The following DLL3 variants were observed in gnomAD, a reference collection of about 807,000 sequenced individuals.
DLL3 encodes delta-like protein 3.
In DLL3, 49 loss-of-function variants were observed where a neutral mutation model predicts 55.0. That is an observed-to-expected ratio of 0.89 (90% confidence interval 0.71 to 1.13). DLL3 has a LOEUF of 1.13. Ranked by LOEUF, DLL3 falls within the 50% of genes most tolerant of loss-of-function variation. The pLI is 0.00. For missense variants in DLL3, 962 were observed against 875.5 expected, an observed-to-expected ratio of 1.10 and a Z score of -1.25; for synonymous variants, 421 against 385.2, an observed-to-expected ratio of 1.09 and a Z score of -1.09.
At position 39,507,272 on chromosome 19, in the gene DLL3, C is replaced by A. The variant is rs1219228407; in HGVS notation, c.1327C>A (p.Arg443Ser). 5.9e-6 allele frequency: 9 copies of A among 1,532,914 alleles called. No individual in the cohort carries two copies. The highest frequency in any genetic ancestry group is 4.9e-5 in the East Asian group (2 of 40,658). 95.0% of individuals were successfully genotyped at this position (1,532,914 alleles called of 1,614,324 possible). ...CGCGCGCCCCTGTGCTCACGGCGGC[C>A]GCTGCTACGCCCACTTCTCCGGCCT... ...CAARPCAHGG[R>S]CYAHFSGLVC... Residue 443 changes from arginine to serine, a missense_variant, in exon 7 of 9, where the codon CGC becomes AGC. Physicochemically the swap from Arg to Ser is moderately radical, Grantham distance 110 (BLOSUM62 -1). Transcript: ENST00000356433.
rs147582946 is a variant in DLL3, at chr19:39,507,971, C to T, written c.1758+57C>T. 692 of 1,614,040 alleles carry T rather than the reference C, an allele frequency of 4.3e-4. No individual in the cohort carries two copies. Among genetic ancestry groups the T allele is most frequent in the Middle Eastern group, 9.9e-4 (6 of 6,062 alleles). ...CTGGGCGCGCTGGGCAGAGGCAGCA[C>T]CTGCTTTTTCCCTACCCTTCCTCGA... On this transcript the variant is annotated intron_variant, in intron 8 of 8. Coordinates refer to ENST00000356433, the MANE Select transcript of DLL3 (RefSeq NM_203486.3).
At chr19:39,506,411 G>T (rs1197986138) in intron 6 of DLL3, among the ~76,000 whole-genome samples, 1 of 151,490 alleles carries the variant, frequency 6.6e-6, no homozygotes, top group East Asian at 1.9e-4. Flanking sequence ...GGCTGGCTGT[G>T]TATCTTCTTG....
At position 39,507,240 on chromosome 19, in the gene DLL3, CGTGCGCCGCGCGCCCCT is replaced by C. The variant is rs1277167365; in HGVS notation, c.1300_1316del (p.Ala434SerfsTer26). ...CGCGACTGCCGCGAGCGCGCGGACC[CGTGCGCCGCGCGCCCCT>C]GTGCTCACGGCGGCCGCTGCTACGC... On this transcript the variant is annotated frameshift_variant, in exon 7 of 9. Transcript: ENST00000356433. LOFTEE classifies it high-confidence loss of function. The C allele has an allele frequency of 6.7e-7, 1 of 1,498,850 alleles. No homozygotes were observed. The highest frequency in any genetic ancestry group is 1.2e-5 in the South Asian group (1 of 80,520). 92.8% of individuals were successfully genotyped at this position (1,498,850 alleles called of 1,614,324 possible). A position where few individuals can be genotyped will look rare whatever the true frequency, so the allele number is the denominator to read the frequency against.
At chr19:39,507,762 T>A in intron 7 of DLL3, 68 bp from the exon 8 acceptor site, 3 of 1,608,564 alleles carry the variant, frequency 1.9e-6, no homozygotes, top group Non-Finnish European at 2.6e-6. Context: ...CCCTTTGTGA[T>A]GGGTAGGGGA....
At chr19:39,506,639 A>G (rs748630906) in intron 6 of DLL3, among the ~76,000 whole-genome samples, 6 of 151,886 alleles carry the variant, frequency 4.0e-5, no homozygotes, top group Non-Finnish European at 7.4e-5. Flanking sequence ...TGGAGGAAGG[A>G]GCATCGGAGT....
intron 4 of DLL3, among the ~76,000 whole-genome samples, chr19:39,503,477 C>T (rs929352336): frequency 2.6e-5 from 4 of 152,224 alleles, no homozygotes; most frequent in Admixed American, 1.3e-4. Context: ...TTCTGCGGCC[C>T]TCCCGACTCC....
Position 39,504,092 on chromosome 19 carries a change from G to T in DLL3, c.674G>T (p.Ser225Ile). Residue 225 changes from serine (S) to isoleucine (I), a missense_variant, in exon 5 of 9, where the codon AGC becomes ATC. Coordinates refer to ENST00000356433, the MANE Select transcript of DLL3 (RefSeq NM_203486.3). ...ATAGTGGTGTGCCGAGCAGGCTGCA[G>T]CCCTGAGCATGGCTTCTGTGAACAG... Reference protein sequence around the residue: ...EAPLVCRAGCSPEHGFCEQPG... With the variant: ...EAPLVCRAGCIPEHGFCEQPG... 6.2e-7 allele frequency: 1 copy of T among 1,613,320 alleles called. No homozygotes were observed.
At chr19:39,508,021 A>G in intron 8 of DLL3, 107 bp downstream of exon 8, 2 of 1,611,384 alleles carry the variant, frequency 1.2e-6, no homozygotes, top group Non-Finnish European at 1.7e-6. Flanking sequence ...TGAATTGGGT[A>G]GAGTCTCTGG....
intron 4 of DLL3, among the ~76,000 whole-genome samples, chr19:39,503,732 C>T (rs1024828323): frequency 2.0e-5 from 3 of 152,182 alleles, no homozygotes; most frequent in Non-Finnish European, 4.4e-5. Context: ...CCCACCAATC[C>T]CAAATCCCCT....
At chr19:39,507,669 C>G in intron 7 of DLL3, 51 bp downstream of exon 7, 7 of 1,588,184 alleles carry the variant, frequency 4.4e-6, no homozygotes, top group Non-Finnish European at 6.0e-6. Flanking sequence ...CTGCTTTTAC[C>G]CATCTCCGTG....
Position 39,502,832 on chromosome 19 carries a change from C to A in DLL3, c.427C>A (p.Leu143Met). Reference sequence around the variant, plus strand: ...CCTCGCAGGGCCCGCCTGGAGCCTGCTGGCGCGCGTGGCTGGCAGGCGGCG... The same window carrying A: ...CCTCGCAGGGCCCGCCTGGAGCCTGATGGCGCGCGTGGCTGGCAGGCGGCG... ...DQIGGPAWSL[L>M]ARVAGRRRLA... Residue 143 changes from leucine (L) to methionine (M), a missense_variant, in exon 4 of 9, where the codon CTG becomes ATG. Coordinates refer to ENST00000356433, the MANE Select transcript of DLL3 (RefSeq NM_203486.3). The A allele has an allele frequency of 7.0e-7, 1 of 1,422,164 alleles. No homozygotes were observed. Among genetic ancestry groups the A allele is most frequent in the East Asian group, 2.9e-5 (1 of 34,136 alleles). 88.1% of individuals were successfully genotyped at this position (1,422,164 alleles called of 1,614,324 possible). A position where few individuals can be genotyped will look rare whatever the true frequency, so the allele number is the denominator to read the frequency against.
rs753469973 is a variant in DLL3, at chr19:39,499,188, C to T, written c.70-4C>T. 9.3e-5 allele frequency: 147 copies of T among 1,582,558 alleles called. 4 individuals carry two copies. In the South Asian group the frequency reaches 1.2e-3, roughly 13 times the overall value. On this transcript the variant is annotated splice_polypyrimidine_tract_variant and splice_region_variant and intron_variant, in intron 1 of 8. Transcript: ENST00000356433. ...GCCTCACCCTGCGCCCGTCTCCGTC[C>T]CAGACACGGCCCGCTGGCGTCTTCG...
In DLL3 at chr19:39,505,342, C is replaced by G; in HGVS notation, c.984C>G (p.Val328=). 6.2e-7 allele frequency: 1 copy of G among 1,614,148 alleles called. No individual in the cohort carries two copies. The highest frequency in any genetic ancestry group is 1.1e-5 in the South Asian group (1 of 91,078). Residue 328 remains valine, a synonymous_variant, in exon 6 of 9, where the codon GTC becomes GTG. Coordinates refer to ENST00000356433, the MANE Select transcript of DLL3 (RefSeq NM_203486.3). The part of the protein sequence containing the change: ...DGPCFNGGLC[V]GGADPDSAYI... ...CCTGCTTCAACGGCGGCTTGTGTGT[C>G]GGGGGTGCAGACCCTGACTCTGCCT...
intron 3 of DLL3, 70 bp from the exon 4 acceptor site, chr19:39,502,745 C>A (rs938625000): frequency 1.6e-6 from 2 of 1,289,106 alleles, no homozygotes; most frequent in Non-Finnish European, 2.0e-6. Context: ...AGAATGCGGC[C>A]GGGGCGCTCC....
rs774671566 is a variant in DLL3 at position 39,499,381 on chromosome 19, G to T, written c.259G>T (p.Gly87Ter). The change falls in exon 2 of 9, where the codon GGA becomes TGA. Residue 87 changes from glycine (G) to a stop codon, truncating the protein, a stop_gained. Transcript: ENST00000356433. LOFTEE classifies it high-confidence loss of function. ...CALGAALSARGPVYTEQPGAP... is the reference protein window; with the variant it reads ...CALGAALSAR Reference sequence around the variant, plus strand: ...CCTGGGCGCGGCGCTGAGTGCGCGCGGACCGGTCTACACCGAGCAGCCCGG... The same window carrying T: ...CCTGGGCGCGGCGCTGAGTGCGCGCTGACCGGTCTACACCGAGCAGCCCGG... 1 of 1,569,242 alleles carries T rather than the reference G, an allele frequency of 6.4e-7. No homozygotes were observed. Among genetic ancestry groups the T allele is most frequent in the East Asian group, 2.3e-5 (1 of 42,814 alleles).
At chr19:39,503,533 G>A (rs1348686355) in intron 4 of DLL3, among the ~76,000 whole-genome samples, 1 of 152,122 alleles carries the variant, frequency 6.6e-6, no homozygotes, top group East Asian at 1.9e-4. Flanking sequence ...CTGGCCAAGG[G>A]GCCCTCCATC....
rs995833469 is a variant in DLL3 at position 39,508,014 on chromosome 19, A to G, written c.1758+100A>G. ...TTCCTCGATTCTGTCCGTGAAATGA[A>G]TTGGGTAGAGTCTCTGGAAGGTTTT... On this transcript the variant is annotated intron_variant, in intron 8 of 8. Coordinates refer to ENST00000356433, the MANE Select transcript of DLL3 (RefSeq NM_203486.3). 3.1e-6 allele frequency: 5 copies of G among 1,612,346 alleles called. No individual in the cohort carries two copies. In the African/African-American group the frequency reaches 5.3e-5, roughly 17 times the overall value.
Position 39,507,276 on chromosome 19 carries a change from G to A in DLL3, c.1331G>A (p.Cys444Tyr), listed in dbSNP as rs1257037823. The change falls in exon 7 of 9, where the codon TGC becomes TAC. Residue 444 changes from cysteine to tyrosine, a missense_variant. By Grantham distance (194) the Cys-to-Tyr change is radical. Coordinates refer to ENST00000356433, the MANE Select transcript of DLL3 (RefSeq NM_203486.3). Reference sequence around the variant, plus strand: ...CGCCCCTGTGCTCACGGCGGCCGCTGCTACGCCCACTTCTCCGGCCTCGTC... The same window carrying A: ...CGCCCCTGTGCTCACGGCGGCCGCTACTACGCCCACTTCTCCGGCCTCGTC... Reference protein sequence around the residue: ...AARPCAHGGRCYAHFSGLVCA... With the variant: ...AARPCAHGGRYYAHFSGLVCA... 2 of 1,536,766 alleles carry A rather than the reference G, an allele frequency of 1.3e-6. No homozygotes were observed. The highest frequency in any genetic ancestry group is 1.2e-5 in the South Asian group (1 of 84,306).
intron 2 of DLL3, 21 bp downstream of exon 2, chr19:39,499,494 A>G (rs1476485793): frequency 1.3e-6 from 2 of 1,577,076 alleles, no homozygotes; most frequent in Non-Finnish European, 1.7e-6. Context: ...CCCCCGGGGG[A>G]CTCCCGGTGC....
Sources: allele counts gnomAD v4.1 joint callset (sites outside exome capture counted in the v4.1 genomes callset), GRCh38; gene constraint gnomAD v4.1.1; transcripts MANE v1.5; gene names NCBI Gene and HGNC (gene_info 2026-07-23, HGNC 2026-07-21).